The following LIN54 variants were observed in gnomAD, a reference collection of about 807,000 sequenced individuals.
The protein encoded by LIN54 is lin-54 DREAM MuvB core complex component, also known as protein lin-54 homolog.
A neutral mutation model predicts 78.7 loss-of-function variants in LIN54; 9 were observed. The ratio of observed to expected loss-of-function variants is 0.11; its 90% CI spans 0.07 to 0.20. LIN54 has a LOEUF of 0.20. Among genes scored for constraint, LIN54 ranks in the 10% least tolerant of loss-of-function variants. The pLI, the probability that LIN54 is intolerant of heterozygous loss-of-function variation, is 1.00. For synonymous variants in LIN54, 269 were observed against 318.4 expected, an observed-to-expected ratio of 0.84 and a Z score of 1.65; for missense variants, 573 against 889.9, an observed-to-expected ratio of 0.64 and a Z score of 4.53.
intron 4 of LIN54, among the ~76,000 whole-genome samples, chr4:82,966,035 C>A (rs969112845): frequency 2.0e-5 from 3 of 152,056 alleles, no homozygotes; most frequent in Non-Finnish European, 4.4e-5. Flanking sequence ...CTACTAATAA[C>A]CCCCTTATCA....
In LIN54 at chr4:82,925,917, A is replaced by G. The variant is rs560938642; in HGVS notation, c.*2185T>C. 5 of 152,744 alleles carry G rather than the reference A, an allele frequency of 3.3e-5. No individual in the cohort carries two copies. The highest frequency in any genetic ancestry group is 3.9e-4 in the East Asian group (2 of 5,182). 9.5% of individuals were successfully genotyped at this position (152,744 alleles called of 1,614,324 possible). A position where few individuals can be genotyped will look rare whatever the true frequency, so the allele number is the denominator to read the frequency against. On this transcript the variant is annotated 3_prime_UTR_variant, in exon 13 of 13. Transcript: ENST00000340417. ...TTAAAATCATTGAATTAATGTGGCT[A>G]TTCATCTTGTTCAGCAATTTGATGC...
chr4:83,005,168 T>A (rs1397347879), intron 1 of LIN54, among the ~76,000 whole-genome samples: 1 of 152,188 alleles, frequency 6.6e-6, no homozygotes, highest in Non-Finnish European at 1.5e-5. Flanking sequence ...AGTGCTAGGA[T>A]TACAGGCATG....
At chr4:83,002,180 T>G (rs1282917941) in intron 1 of LIN54, among the ~76,000 whole-genome samples, 3 of 151,320 alleles carry the variant, frequency 2.0e-5, no homozygotes, top group Non-Finnish European at 2.9e-5. Flanking sequence ...CATGGACCCT[T>G]CTACGATACA....
At chr4:82,950,698 C>T (rs74368209) in intron 4 of LIN54, among the ~76,000 whole-genome samples, 5,363 of 152,184 alleles carry the variant, frequency 0.035, 143 homozygotes, top group Middle Eastern at 0.051. Context: ...CCCTCAAAAA[C>T]GCGGACAGAC....
chr4:82,946,567 C>T (rs528861686), intron 4 of LIN54, 93 bp from the exon 5 acceptor site: 20 of 945,446 alleles, frequency 2.1e-5, no homozygotes, highest in African/African-American at 2.1e-4. Flanking sequence ...GTAAAGTATG[C>T]TCCTGTATTG....
chr4:82,977,366 C>A (rs958233695), intron 3 of LIN54, among the ~76,000 whole-genome samples: 1 of 152,124 alleles, frequency 6.6e-6, no homozygotes, highest in Non-Finnish European at 1.5e-5. Flanking sequence ...AAACCCTTTC[C>A]AGTATTTTCT....
At chr4:82,960,437 G>A (rs1394963071) in intron 4 of LIN54, among the ~76,000 whole-genome samples, 5 of 151,540 alleles carry the variant, frequency 3.3e-5, no homozygotes, top group Non-Finnish European at 7.4e-5. Context: ...CATCTCAATT[G>A]TCCTTTTTTT....
chr4:83,002,960 G>T (rs1411781996), intron 1 of LIN54, among the ~76,000 whole-genome samples: 1 of 152,104 alleles, frequency 6.6e-6, no homozygotes, highest in Non-Finnish European at 1.5e-5. Flanking sequence ...TGTATTTTTT[G>T]TACCTAGAGC....
intron 1 of LIN54, among the ~76,000 whole-genome samples, chr4:82,989,998 A>T (rs1457075094): frequency 6.6e-6 from 1 of 152,236 alleles, no homozygotes; most frequent in Non-Finnish European, 1.5e-5. Flanking sequence ...CTCTCAACTA[A>T]GCCTCTAAAT....
intron 11 of LIN54, among the ~76,000 whole-genome samples, chr4:82,934,125 C>A (rs558777386): frequency 6.6e-6 from 1 of 152,302 alleles, no homozygotes; most frequent in South Asian, 2.1e-4. Context: ...AAAAAATCAA[C>A]TTGCGACGGT....
At chr4:82,937,145 T>G in intron 9 of LIN54, 82 bp downstream of exon 9, 1 of 791,598 alleles carries the variant, frequency 1.3e-6, no homozygotes. Context: ...TTTGGTCTGC[T>G]AAAAATTTTT....
intron 4 of LIN54, among the ~76,000 whole-genome samples, chr4:82,949,045 T>A (rs1723634437): frequency 6.6e-6 from 1 of 152,204 alleles, no homozygotes; most frequent in African/African-American, 2.4e-5. Context: ...GAGGGATTGC[T>A]GGGTCATGTG....
chr4:82,962,420 T>C (rs1724872878), intron 4 of LIN54, among the ~76,000 whole-genome samples: 1 of 152,304 alleles, frequency 6.6e-6, no homozygotes, highest in East Asian at 1.9e-4. Context: ...CTTAAAAAAA[T>C]TTATTTTTAA....
Position 82,928,008 on chromosome 4 carries a change from T to A in LIN54, c.*94A>T, listed in dbSNP as rs1721623310. 9.6e-7 allele frequency: 1 copy of A among 1,037,240 alleles called. No individual in the cohort carries two copies. The highest frequency in any genetic ancestry group is 2.0e-5 in the Admixed American group (1 of 50,398). The allele number at this position is 1,037,240 out of a possible 1,614,324, so 64.3% of individuals were successfully genotyped here. The stretch of plus-strand genomic sequence containing the variant: ...AGGTCTTTTAAAACAAGGACTGAAT[T>A]AAAATACAGTAATTGTTTTTCTTCC... On this transcript the variant is annotated 3_prime_UTR_variant, in exon 13 of 13. Coordinates refer to ENST00000340417, the MANE Select transcript of LIN54 (RefSeq NM_194282.4).
intron 1 of LIN54, among the ~76,000 whole-genome samples, chr4:83,003,933 A>G (rs1366653371): frequency 6.6e-6 from 1 of 152,224 alleles, no homozygotes; most frequent in East Asian, 1.9e-4. Flanking sequence ...ATCAATGTAC[A>G]AGAATTCAGA....
intron 4 of LIN54, among the ~76,000 whole-genome samples, chr4:82,950,506 A>G (rs1723767228): frequency 6.6e-6 from 1 of 152,136 alleles, no homozygotes; most frequent in Non-Finnish European, 1.5e-5. Context: ...GCCTGCAAAG[A>G]ACAACATGTG....
intron 3 of LIN54, 70 bp downstream of exon 3, chr4:82,978,813 G>T: frequency 2.1e-6 from 2 of 953,164 alleles, no homozygotes; most frequent in Non-Finnish European, 3.1e-6. Flanking sequence ...ATTTTAAGTT[G>T]GCAGAACAGC....
rs984852467 is a variant in LIN54 at position 82,970,509 on chromosome 4, A to T, written c.809-40T>A. The T allele has an allele frequency of 1.7e-5, 27 of 1,567,226 alleles. No homozygotes were observed. In the East Asian group the frequency reaches 5.6e-4, roughly 33 times the overall value. On this transcript the variant is annotated intron_variant, in intron 3 of 12. Coordinates refer to ENST00000340417, the MANE Select transcript of LIN54 (RefSeq NM_194282.4). Reference sequence around the variant, plus strand: ...CAGCACATCAGTTTGACTTTTTTCAATAATAGTATAAAAATTTATGTGATG... The same window carrying T: ...CAGCACATCAGTTTGACTTTTTTCATTAATAGTATAAAAATTTATGTGATG...
rs145498945 is a variant in LIN54, at chr4:82,946,279, T to C, written c.1147A>G (p.Asn383Asp). The C allele has an allele frequency of 1.4e-5, 23 of 1,613,956 alleles. No individual in the cohort carries two copies. Among genetic ancestry groups the C allele is most frequent in the Non-Finnish European group, 1.9e-5 (23 of 1,179,894 alleles). The part of the protein sequence containing the change: ...TQPVSQNPST[N>D]TQPLQQAKPV... Reference sequence around the variant, plus strand: ...TAACCTTGCTGAAGAGGCTGAGTGTTTGTACTGGGATTCTGACTAACTGGC... The same window carrying C: ...TAACCTTGCTGAAGAGGCTGAGTGTCTGTACTGGGATTCTGACTAACTGGC... Residue 383 changes from asparagine (N) to aspartate (D), a missense_variant, in exon 5 of 13, where the codon AAC becomes GAC. Around this residue, in one of 6 missense-constraint regions of LIN54, gnomAD observed 199 missense variants for 260.9 expected, o/e 0.76. Transcript: ENST00000340417.
Sources: allele counts gnomAD v4.1 joint callset (sites outside exome capture counted in the v4.1 genomes callset), GRCh38; gene constraint gnomAD v4.1.1; regional missense constraint gnomAD v4.1.1; transcripts MANE v1.5; gene names NCBI Gene and HGNC (gene_info 2026-07-23, HGNC 2026-07-21).